The following ATP10B variants were observed in gnomAD, a reference collection of about 807,000 sequenced individuals.
ATP10B encodes the protein ATPase phospholipid transporting 10B (putative).
ATP10B carries 122 observed loss-of-function variants against 141.2 expected under a neutral mutation model. That is an observed-to-expected ratio of 0.86 (90% CI 0.75 to 1.00). ATP10B has a LOEUF of 1.00. Ranked by LOEUF, ATP10B falls within the 50% of genes least tolerant of loss-of-function variation. The pLI is 0.00. For missense variants in ATP10B, 1,876 were observed against 1,825.3 expected, an observed-to-expected ratio of 1.03 and a Z score of -0.51; for synonymous variants, 685 against 692.0, an observed-to-expected ratio of 0.99 and a Z score of 0.16.
chr5:160,622,351 C>T, intron 14 of ATP10B, 43 bp downstream of exon 14: 1 of 1,557,764 alleles, frequency 6.4e-7, no homozygotes, highest in Non-Finnish European at 8.7e-7. Flanking sequence ...TTCTACTCCT[C>T]TACCTCCTTT....
the ATP10B span, among the ~76,000 whole-genome samples, chr5:160,882,216 GT>G: frequency 2.0e-5 from 3 of 152,128 alleles, no homozygotes; most frequent in Non-Finnish European, 4.4e-5. Flanking sequence ...CACAAAGAAA[GT>G]ACAATACCAA....
rs559301141 is a variant in ATP10B at position 160,851,241 on chromosome 5, G to T, written c.-576+700C>A. On this transcript the variant is annotated intron_variant, in intron 1 of 25. Coordinates refer to ENST00000327245, the MANE Select transcript of ATP10B (RefSeq NM_025153.3). ...ACTCCTGTAGGCAAAATAACTAGCA[G>T]CTCAGTATAATTTTTATTTTTAACA... 6.6e-5 allele frequency among the ~76,000 whole-genome samples: 10 copies of T among 152,276 alleles called. No individual in the cohort carries two copies. The South Asian group carries it at 1.9e-3, about 28-fold the overall frequency.
intron 13 of ATP10B, among the ~76,000 whole-genome samples, chr5:160,625,891 T>C (rs1307436595): frequency 2.0e-5 from 3 of 152,208 alleles, no homozygotes; most frequent in South Asian, 2.1e-4. Context: ...ACTACTCTTT[T>C]ATATATTCCC....
Position 160,622,433 on chromosome 5 carries a change from G to A in ATP10B, c.1773C>T (p.Asn591=). The change falls in exon 14 of 26, where the codon AAC becomes AAT. Residue 591 remains asparagine, a synonymous_variant. Coordinates refer to ENST00000327245, the MANE Select transcript of ATP10B (RefSeq NM_025153.3). ...CGGTGGTTGTGGACACCATGACAGA[G>A]TTGCAGATGGTTAAGGCAAGGAAGA... The part of the protein sequence containing the change: ...ADFFLALTIC[N]SVMVSTTTEP... The A allele has an allele frequency of 6.2e-7, 1 of 1,613,936 alleles. No individual in the cohort carries two copies.
chr5:160,647,921 G>C (rs915109434), intron 8 of ATP10B, among the ~76,000 whole-genome samples: 12 of 152,098 alleles, frequency 7.9e-5, no homozygotes, highest in Non-Finnish European at 1.8e-4. Context: ...ATGGCCTGAG[G>C]ACATGTGGGT....
intron 2 of ATP10B, among the ~76,000 whole-genome samples, chr5:160,762,793 C>T (rs575925558): frequency 1.3e-5 from 2 of 152,070 alleles, no homozygotes; most frequent in African/African-American, 4.8e-5. Context: ...TTAAAATTCA[C>T]CAAATATCTG....
At chr5:160,871,964 T>C in the ATP10B span, among the ~76,000 whole-genome samples, 5 of 152,186 alleles carry the variant, frequency 3.3e-5, no homozygotes, top group African/African-American at 1.2e-4. Context: ...ATTTAAGGAA[T>C]ATCCCCACTG....
intron 13 of ATP10B, among the ~76,000 whole-genome samples, chr5:160,631,432 C>T (rs187520959): frequency 3.3e-5 from 5 of 152,278 alleles, no homozygotes; most frequent in African/African-American, 9.6e-5. Flanking sequence ...AAGGACAATA[C>T]GCAGAAAGCC....
At chr5:160,891,002 C>T in the ATP10B span, among the ~76,000 whole-genome samples, 22,222 of 151,070 alleles carry the variant, frequency 0.15, 1,934 homozygotes, top group East Asian at 0.33. Flanking sequence ...TATGTGTGTG[C>T]GTGTGTGTGT....
At position 160,565,320 on chromosome 5, in the gene ATP10B, A is replaced by G. The variant is rs1182319268; in HGVS notation, c.*133T>C. On this transcript the variant is annotated 3_prime_UTR_variant, in exon 26 of 26. Coordinates refer to ENST00000327245, the MANE Select transcript of ATP10B (RefSeq NM_025153.3). ...ACCCCTTGGGGCCAGCACTTCCTCC[A>G]TGGAAGTCAAGGTTGTTGAAGAAAA... 2 of 945,952 alleles carry G rather than the reference A, an allele frequency of 2.1e-6. No individual in the cohort carries two copies. Among genetic ancestry groups the G allele is most frequent in the Non-Finnish European group, 3.2e-6 (2 of 630,176 alleles). 58.6% of individuals were successfully genotyped at this position (945,952 alleles called of 1,614,324 possible).
At chr5:160,855,404 T>A (rs1332546543), upstream of ATP10B, among the ~76,000 whole-genome samples, 2 of 152,060 alleles carry the variant, frequency 1.3e-5, no homozygotes, top group African/African-American at 4.8e-5. Context: ...TTTTATGTGC[T>A]TATTTCTCAG....
intron 1 of ATP10B, among the ~76,000 whole-genome samples, chr5:160,808,870 G>C (rs1772959659): frequency 6.6e-6 from 1 of 152,186 alleles, no homozygotes; most frequent in Non-Finnish European, 1.5e-5. Flanking sequence ...CTCGAAGTCT[G>C]AAATCAAGGT....
chr5:160,873,285 A>G, the ATP10B span, among the ~76,000 whole-genome samples: 1 of 152,206 alleles, frequency 6.6e-6, no homozygotes. Flanking sequence ...ACCTATGGTT[A>G]ACATCATTCT....
the ATP10B span, among the ~76,000 whole-genome samples, chr5:160,881,939 A>G: frequency 6.6e-6 from 1 of 152,214 alleles, no homozygotes; most frequent in African/African-American, 2.4e-5. Flanking sequence ...TTTAATGCTA[A>G]AAAAGTTAGT....
chr5:160,662,226 T>G (rs923079320), intron 7 of ATP10B, among the ~76,000 whole-genome samples: 26 of 152,248 alleles, frequency 1.7e-4, no homozygotes, highest in African/African-American at 6.0e-4. Context: ...CTGCCCAAGG[T>G]AATTTATAGA....
chr5:160,615,695 C>T, intron 17 of ATP10B, 143 bp downstream of exon 17: 2 of 1,009,286 alleles, frequency 2.0e-6, no homozygotes, highest in Non-Finnish European at 2.9e-6. Context: ...TGGCATGGCC[C>T]ATTTGTGCCA....
At position 160,604,462 on chromosome 5, in the gene ATP10B, C is replaced by A. The variant is rs550819713; in HGVS notation, c.3161-421G>T. ...GACCCAGGAGAAATGGAACTCATAT[C>A]TTTCAGATTCCAGGGCCAACACACT... is the stretch of plus-strand genomic sequence containing the variant. On this transcript the variant is annotated intron_variant, in intron 19 of 25. Transcript: ENST00000327245. 4.6e-5 allele frequency among the ~76,000 whole-genome samples: 7 copies of A among 152,270 alleles called. No individual in the cohort carries two copies. In the East Asian group the frequency reaches 1.3e-3, roughly 29 times the overall value.
At chr5:160,629,898 T>A (rs1758826159) in intron 13 of ATP10B, among the ~76,000 whole-genome samples, 1 of 152,158 alleles carries the variant, frequency 6.6e-6, no homozygotes, top group African/African-American at 2.4e-5. Context: ...TGTTATTTGA[T>A]CTTTAGAACA....
At chr5:160,725,434 A>G (rs1475407027) in intron 2 of ATP10B, among the ~76,000 whole-genome samples, 1 of 151,960 alleles carries the variant, frequency 6.6e-6, no homozygotes, top group Admixed American at 6.6e-5. Context: ...AATTTTCTGG[A>G]TACATCACAG....
Sources: gnomAD v4.1 joint callset for allele counts (sites outside exome capture counted in the v4.1 genomes callset) on GRCh38, gnomAD v4.1.1 for gene constraint, MANE v1.5 for transcripts, NCBI Gene and HGNC (gene_info 2026-07-23, HGNC 2026-07-21) for gene names.